Variants in SLC13A3 observed in about 807,000 individuals in gnomAD.
SLC13A3 encodes Na(+)/dicarboxylate cotransporter 3.
Under a neutral mutation model 59.0 loss-of-function variants are expected in SLC13A3, and 40 were observed. The ratio of observed to expected loss-of-function variants is 0.68; its 90% CI spans 0.53 to 0.88. SLC13A3 has a LOEUF of 0.88. Ranked by LOEUF, SLC13A3 falls within the 40% of genes least tolerant of loss-of-function variation. The pLI is 0.00. For synonymous variants in SLC13A3, 317 were observed against 330.3 expected, an observed-to-expected ratio of 0.96 and a Z score of 0.44; for missense variants, 699 against 783.2, an observed-to-expected ratio of 0.89 and a Z score of 1.28.
At chr20:46,583,792 G>A in intron 8 of SLC13A3, 123 bp from the exon 9 acceptor site, 1 of 1,492,364 alleles carries the variant, frequency 6.7e-7, no homozygotes, top group East Asian at 2.5e-5. Context: ...CATTGTTGGA[G>A]GCTGGGCCAC....
At chr20:46,561,019 A>G (rs1297360224) in intron 12 of SLC13A3, among the ~76,000 whole-genome samples, 1 of 152,194 alleles carries the variant, frequency 6.6e-6, no homozygotes, top group South Asian at 2.1e-4. Context: ...TTACTAAGCT[A>G]AAGAGAAAAG....
Position 46,559,126 on chromosome 20 carries a change from A to G in SLC13A3, c.*896T>C, listed in dbSNP as rs1427290177. The stretch of plus-strand genomic sequence containing the variant: ...ACATGCTTACCACTTAAGGTGGGGC[A>G]TGGAGAGATCAAGGCCACCTGCTGG... On this transcript the variant is annotated 3_prime_UTR_variant, in exon 13 of 13. Coordinates refer to ENST00000279027, the MANE Select transcript of SLC13A3 (RefSeq NM_022829.6). The G allele has an allele frequency of 1.3e-5, 2 of 152,208 alleles. No homozygotes were observed. Among genetic ancestry groups the G allele is most frequent in the African/African-American group, 4.8e-5 (2 of 41,432 alleles). The allele number at this position is 152,208 out of a possible 1,614,324, so 9.4% of individuals were successfully genotyped here.
Position 46,559,187 on chromosome 20 carries a change from G to A in SLC13A3, c.*835C>T, listed in dbSNP as rs74819243. ...AACTGACCGCCTTGCAGCCACAGAGGCCTATGGGGGCCACATGTAGGAGAG... is the reference window on the plus strand; with the variant it reads ...AACTGACCGCCTTGCAGCCACAGAGACCTATGGGGGCCACATGTAGGAGAG... On this transcript the variant is annotated 3_prime_UTR_variant, in exon 13 of 13. Transcript: ENST00000279027. The A allele has an allele frequency of 9.8e-3, 1,490 of 152,528 alleles. 32 individuals are homozygous for A. Among genetic ancestry groups the A allele is most frequent in the African/African-American group, 0.034 (1,413 of 41,544 alleles). 9.4% of individuals were successfully genotyped at this position (152,528 alleles called of 1,614,324 possible). A position where few individuals can be genotyped will look rare whatever the true frequency, so the allele number is the denominator to read the frequency against.
chr20:46,616,332 A>G (rs537781478), intron 1 of SLC13A3, among the ~76,000 whole-genome samples: 1 of 152,350 alleles, frequency 6.6e-6, no homozygotes, highest in East Asian at 1.9e-4. Context: ...GAGAAGTGAG[A>G]AAAAGAGCTG....
chr20:46,561,918 C>G (rs2061935121), intron 12 of SLC13A3, among the ~76,000 whole-genome samples: 1 of 152,140 alleles, frequency 6.6e-6, no homozygotes, highest in Non-Finnish European at 1.5e-5. Flanking sequence ...TAACTCATTA[C>G]TCTCAGGAGC....
intron 10 of SLC13A3, 132 bp from the exon 11 acceptor site, chr20:46,566,522 G>A: frequency 1.0e-6 from 1 of 999,648 alleles, no homozygotes. Flanking sequence ...GCAGAGAGGG[G>A]AGGTGACGTG....
intron 1 of SLC13A3, among the ~76,000 whole-genome samples, chr20:46,644,446 T>G (rs1285131680): frequency 6.6e-6 from 1 of 152,104 alleles, no homozygotes; most frequent in East Asian, 1.9e-4. Context: ...CATTTTTTTT[T>G]CCAAATCAAT....
chr20:46,559,907 G>T lies in SLC13A3; in HGVS notation c.*115C>A. Reference sequence around the variant, plus strand: ...GGGCCACTGGAGGTCACCCTTGCTTGCTGCATATTGGATTACAGAAAAGAA... The same window carrying T: ...GGGCCACTGGAGGTCACCCTTGCTTTCTGCATATTGGATTACAGAAAAGAA... On this transcript the variant is annotated 3_prime_UTR_variant, in exon 13 of 13. Coordinates refer to ENST00000279027, the MANE Select transcript of SLC13A3 (RefSeq NM_022829.6). The T allele has an allele frequency of 9.4e-7, 1 of 1,068,900 alleles. No individual in the cohort carries two copies. The highest frequency in any genetic ancestry group is 1.4e-6 in the Non-Finnish European group (1 of 733,570). 66.2% of individuals were successfully genotyped at this position (1,068,900 alleles called of 1,614,324 possible). A position where few individuals can be genotyped will look rare whatever the true frequency, so the allele number is the denominator to read the frequency against.
chr20:46,598,632 G>A (rs1284365239), intron 4 of SLC13A3, among the ~76,000 whole-genome samples: 1 of 152,104 alleles, frequency 6.6e-6, no homozygotes, highest in East Asian at 1.9e-4. Context: ...TGGACTCAAA[G>A]CCCCCAAACA....
At chr20:46,567,297 G>A (rs1331971862) in intron 10 of SLC13A3, among the ~76,000 whole-genome samples, 5 of 152,048 alleles carry the variant, frequency 3.3e-5, no homozygotes, top group South Asian at 2.1e-4. Flanking sequence ...ATTCATTGTC[G>A]TAAGAATCAC....
Position 46,678,575 on chromosome 20 carries a change from G to A in SLC13A3, c.-31+5821C>T, listed in dbSNP as rs571671656. On this transcript the variant is annotated intron_variant, in intron 1 of 6. Transcript: ENST00000372121. ...GCCTCCAGATTGCTGCTGAACCTCC[G>A]GTTATTGCCATTGCATTGAAAAGCA... Among the ~76,000 whole-genome samples the A allele has an allele frequency of 5.9e-5, 9 of 152,238 alleles. No homozygotes were observed. The South Asian group carries it at 1.5e-3, about 25-fold the overall frequency.
At chr20:46,676,564 C>T (rs920093759) in intron 1 of SLC13A3, among the ~76,000 whole-genome samples, 2 of 151,514 alleles carry the variant, frequency 1.3e-5, no homozygotes, top group Non-Finnish European at 2.9e-5. Context: ...CCCTTTTTTT[C>T]TTTTCTTTTC....
chr20:46,598,850 T>C (rs565527627), intron 4 of SLC13A3, among the ~76,000 whole-genome samples: 244 of 151,928 alleles, frequency 1.6e-3, no homozygotes, highest in African/African-American at 5.3e-3. Flanking sequence ...GCTCACTCAT[T>C]CACTCGGCTC....
chr20:46,633,824 G>A (rs967110553), intron 1 of SLC13A3, among the ~76,000 whole-genome samples: 1 of 152,244 alleles, frequency 6.6e-6, no homozygotes, highest in Non-Finnish European at 1.5e-5. Context: ...AGCAACTATC[G>A]ATTGAGGGCT....
At chr20:46,600,419 A>T (rs2062367953) in intron 3 of SLC13A3, among the ~76,000 whole-genome samples, 1 of 133,198 alleles carries the variant, frequency 7.5e-6, no homozygotes, top group Admixed American at 7.5e-5. Flanking sequence ...GGAAGGAAGG[A>T]AGGAAAGGAA....
intron 1 of SLC13A3, among the ~76,000 whole-genome samples, chr20:46,678,722 A>T (rs2063139496): frequency 6.6e-6 from 1 of 152,164 alleles, no homozygotes; most frequent in African/African-American, 2.4e-5. Flanking sequence ...CTTGTATCTT[A>T]TTGGCCAGAA....
At chr20:46,646,171 C>T (rs1209679060) in intron 1 of SLC13A3, among the ~76,000 whole-genome samples, 4 of 152,086 alleles carry the variant, frequency 2.6e-5, no homozygotes, top group East Asian at 3.9e-4. Flanking sequence ...TTCTGGAAAA[C>T]CTCTGTTGGG....
At chr20:46,662,633 C>T (rs1469704629) in intron 1 of SLC13A3, among the ~76,000 whole-genome samples, 2 of 152,332 alleles carry the variant, frequency 1.3e-5, no homozygotes, top group East Asian at 3.9e-4. Context: ...CTGGATCATT[C>T]AAGATGAACC....
chr20:46,608,963 C>G (rs1308406237), intron 3 of SLC13A3: 1 of 1,550,764 alleles, frequency 6.4e-7, no homozygotes, highest in Non-Finnish European at 8.7e-7. Flanking sequence ...CACTCATATT[C>G]CATTGACCAG....
Sources: gnomAD v4.1 joint callset for allele counts (sites outside exome capture counted in the v4.1 genomes callset) on GRCh38, gnomAD v4.1.1 for gene constraint, MANE v1.5 for transcripts, NCBI Gene and HGNC (gene_info 2026-07-23, HGNC 2026-07-21) for gene names.